The following ADK variants were observed in gnomAD, a reference collection of about 807,000 sequenced individuals.
The protein encoded by ADK is adenosine kinase.
ADK carries 24 observed loss-of-function variants against 44.7 expected under a neutral mutation model. That is an observed-to-expected ratio of 0.54 (90% confidence interval 0.39 to 0.76). ADK has a LOEUF of 0.76. Ranked by LOEUF, ADK falls within the 30% of genes least tolerant of loss-of-function variation. ADK has a pLI of 0.00. For synonymous variants in ADK, 128 were observed against 142.6 expected (o/e 0.90, Z 0.73); for missense variants, 321 against 425.1 (o/e 0.76, Z 2.15).
intron 6 of ADK, among the ~76,000 whole-genome samples, chr10:74,469,149 G>A (rs1846466797): frequency 6.6e-6 from 1 of 152,086 alleles, no homozygotes; most frequent in African/African-American, 2.4e-5. Context: ...AACAGCCTGA[G>A]CAATGTTGCA....
chr10:74,438,151 T>C (rs1488684778), intron 6 of ADK, among the ~76,000 whole-genome samples: 1 of 152,026 alleles, frequency 6.6e-6, no homozygotes, highest in Non-Finnish European at 1.5e-5. Context: ...TTTGTTGCAG[T>C]TATCTCCATT....
intron 10 of ADK, among the ~76,000 whole-genome samples, chr10:74,693,087 T>C (rs560569325): frequency 2.0e-5 from 3 of 152,322 alleles, no homozygotes; most frequent in Non-Finnish European, 4.4e-5. Flanking sequence ...TGTATATTAT[T>C]ATATTTGTCA....
intron 1 of ADK, among the ~76,000 whole-genome samples, chr10:74,173,714 C>T (rs1842236384): frequency 6.6e-6 from 1 of 152,182 alleles, no homozygotes; most frequent in Non-Finnish European, 1.5e-5. Context: ...CAGGCGTGAG[C>T]CACTGTGCCT....
chr10:74,372,366 C>A, intron 4 of ADK: 1 of 740,878 alleles, frequency 1.3e-6, no homozygotes. Flanking sequence ...GTCCACAGCT[C>A]CCAATGCTCA....
chr10:74,350,243 G>A (rs1292420487), intron 4 of ADK, among the ~76,000 whole-genome samples: 1 of 152,154 alleles, frequency 6.6e-6, no homozygotes, highest in Non-Finnish European at 1.5e-5. Context: ...AATCAAATTA[G>A]AACTGAGGAT....
intron 7 of ADK, among the ~76,000 whole-genome samples, chr10:74,575,391 C>A (rs1169570817): frequency 6.6e-6 from 1 of 152,132 alleles, no homozygotes; most frequent in Non-Finnish European, 1.5e-5. Flanking sequence ...GAGCCAAATT[C>A]TTTTACAATG....
intron 2 of ADK, among the ~76,000 whole-genome samples, chr10:74,219,658 T>C (rs1294033690): frequency 7.2e-5 from 11 of 151,900 alleles, no homozygotes; most frequent in Non-Finnish European, 2.9e-5. Context: ...ACAGAAATTA[T>C]AACAAACTGT....
chr10:74,236,245 A>T (rs1844955678), intron 3 of ADK, among the ~76,000 whole-genome samples: 1 of 152,254 alleles, frequency 6.6e-6, no homozygotes, highest in South Asian at 2.1e-4. Context: ...AACTGATTTC[A>T]ACCATAAAGC....
At chr10:74,533,834 T>C (rs554722857) in intron 7 of ADK, among the ~76,000 whole-genome samples, 87 of 152,348 alleles carry the variant, frequency 5.7e-4, no homozygotes, top group South Asian at 1.4e-3. Context: ...CAGGTGTTTA[T>C]AGCAGCTTTA....
At chr10:74,418,583 G>A (rs1330682842) in intron 6 of ADK, among the ~76,000 whole-genome samples, 2 of 152,286 alleles carry the variant, frequency 1.3e-5, no homozygotes, top group Non-Finnish European at 1.5e-5. Flanking sequence ...GAAAAAAGTG[G>A]TTGGTGTTAT....
intron 6 of ADK, among the ~76,000 whole-genome samples, chr10:74,436,001 A>G (rs374642882): frequency 6.6e-6 from 1 of 152,314 alleles, no homozygotes; most frequent in African/African-American, 2.4e-5. Flanking sequence ...TAATTATGTA[A>G]GTAATTACAA....
chr10:74,597,163 A>G (rs960500144), intron 8 of ADK, among the ~76,000 whole-genome samples: 6 of 152,216 alleles, frequency 3.9e-5, no homozygotes, highest in Admixed American at 3.9e-4. Flanking sequence ...GAGGAAATAA[A>G]TTAATATTTA....
rs116081033 is a variant in ADK, at chr10:74,206,538, T to C, written c.140+5700T>C. Among the ~76,000 whole-genome samples the C allele has an allele frequency of 2.4e-3, 359 of 152,300 alleles. 1 individual carries two copies. The highest frequency in any genetic ancestry group is 7.6e-3 in the African/African-American group (317 of 41,564). Reference sequence around the variant, plus strand: ...GAATTACCTTCTTGGAGCAATGTTATGTGTGCTGAGTGCTCTTCCCCCCAG... The same window carrying C: ...GAATTACCTTCTTGGAGCAATGTTACGTGTGCTGAGTGCTCTTCCCCCCAG... On this transcript the variant is annotated intron_variant, in intron 2 of 10. Transcript: ENST00000539909.
intron 1 of ADK, among the ~76,000 whole-genome samples, chr10:74,180,290 T>C (rs1591814842): frequency 6.6e-6 from 1 of 150,458 alleles, no homozygotes; most frequent in Non-Finnish European, 1.5e-5. Flanking sequence ...CAGGCTGGAG[T>C]GCAGTGGCGC....
chr10:74,332,285 T>C (rs1841244681), intron 4 of ADK, among the ~76,000 whole-genome samples: 1 of 152,256 alleles, frequency 6.6e-6, no homozygotes, highest in Non-Finnish European at 1.5e-5. Context: ...GAGATGTATG[T>C]AGTTATGAAA....
Position 74,199,880 on chromosome 10 carries a change from T to A in ADK, c.66-884T>A, listed in dbSNP as rs567799044. On this transcript the variant is annotated intron_variant, in intron 1 of 10. Coordinates refer to ENST00000539909, the MANE Select transcript of ADK (RefSeq NM_006721.4). Reference sequence around the variant, plus strand: ...TTTTTTATACAGATGGGGTTTCACCTTGTTGGTCAGGATGGTCTTGATCTG... The same window carrying A: ...TTTTTTATACAGATGGGGTTTCACCATGTTGGTCAGGATGGTCTTGATCTG... Among the ~76,000 whole-genome samples the A allele has an allele frequency of 1.3e-4, 20 of 152,012 alleles. 1 individual carries two copies. In the East Asian group the frequency reaches 3.5e-3, roughly 27 times the overall value.
chr10:74,444,866 C>G (rs985120524), intron 6 of ADK, among the ~76,000 whole-genome samples: 3 of 139,140 alleles, frequency 2.2e-5, no homozygotes, highest in Admixed American at 6.8e-5. Flanking sequence ...CCAGAAATCA[C>G]AAAATCCATT....
chr10:74,575,637 T>C (rs1851157953), intron 7 of ADK, among the ~76,000 whole-genome samples: 1 of 152,036 alleles, frequency 6.6e-6, no homozygotes, highest in East Asian at 1.9e-4. Flanking sequence ...ACCTGGTACG[T>C]ATATAAGGGA....
chr10:74,158,592 C>T (rs910357390), intron 1 of ADK, among the ~76,000 whole-genome samples: 1 of 152,092 alleles, frequency 6.6e-6, no homozygotes, highest in Non-Finnish European at 1.5e-5. Flanking sequence ...CCTGGGTGTT[C>T]TACAAAATAT....
Sources: gnomAD v4.1 joint callset for allele counts (sites outside exome capture counted in the v4.1 genomes callset) on GRCh38, gnomAD v4.1.1 for gene constraint, MANE v1.5 for transcripts, NCBI Gene and HGNC (gene_info 2026-07-23, HGNC 2026-07-21) for gene names.